DOCK8: variants seen among roughly 807,000 people sequenced by gnomAD.
DOCK8 encodes dedicator of cytokinesis 8, also known as dedicator of cytokinesis protein 8.
A neutral mutation model predicts 245.6 loss-of-function variants in DOCK8; 141 were observed. That is an observed-to-expected ratio of 0.57 (90% CI 0.50 to 0.66). The LOEUF is 0.66. Ranked by LOEUF, DOCK8 falls within the 30% of genes least tolerant of loss-of-function variation. DOCK8 has a pLI of 0.00. For missense variants in DOCK8, 2,965 were observed against 2,603.4 expected (o/e 1.14, Z -3.02); for synonymous variants, 1,168 against 970.2 (o/e 1.20, Z -3.79).
intron 24 of DOCK8, among the ~76,000 whole-genome samples, chr9:395,024 A>G (rs895398132): frequency 2.0e-5 from 3 of 152,184 alleles, no homozygotes; most frequent in African/African-American, 7.2e-5. Flanking sequence ...CAGAATCAGG[A>G]TTGGCATTGC....
At chr9:271,001 A>T (rs1460473240) in intron 1 of DOCK8, among the ~76,000 whole-genome samples, 1 of 152,216 alleles carries the variant, frequency 6.6e-6, no homozygotes, top group Non-Finnish European at 1.5e-5. Flanking sequence ...ACAGTGGGGA[A>T]CAATTTCCTC....
intron 26 of DOCK8, among the ~76,000 whole-genome samples, chr9:400,327 ACCACCACC>A (rs1208386368): frequency 6.9e-5 from 6 of 87,086 alleles, no homozygotes; most frequent in Non-Finnish European, 1.1e-4. Flanking sequence ...CACCTCCACC[ACCACCACC>A]TCCTCCACCA....
At chr9:307,385 G>GTT (rs2049894463) in intron 5 of DOCK8, among the ~76,000 whole-genome samples, 1 of 84,976 alleles carries the variant, frequency 1.2e-5, no homozygotes, top group African/African-American at 4.8e-5. Flanking sequence ...TTGAGATGGA[G>GTT]TTTTGCTCTT....
chr9:430,025 T>G (rs1456541872), intron 36 of DOCK8, among the ~76,000 whole-genome samples, 171 bp downstream of exon 36: 1 of 152,252 alleles, frequency 6.6e-6, no homozygotes, highest in East Asian at 1.9e-4. Flanking sequence ...TTAATTTGCA[T>G]CTAAAAGTGA....
intron 1 of DOCK8, among the ~76,000 whole-genome samples, chr9:235,583 A>C (rs2131389824): frequency 6.6e-6 from 1 of 152,304 alleles, no homozygotes; most frequent in South Asian, 2.1e-4. Flanking sequence ...TTACCTAATC[A>C]AACAACTAAC....
At chr9:363,623 G>A (rs1179439596) in intron 14 of DOCK8, among the ~76,000 whole-genome samples, 1 of 152,128 alleles carries the variant, frequency 6.6e-6, no homozygotes, top group Admixed American at 6.6e-5. Flanking sequence ...AGAAATTCCA[G>A]GCAAACTCAT....
intron 4 of DOCK8, among the ~76,000 whole-genome samples, chr9:297,555 G>A (rs1366928094): frequency 1.3e-5 from 2 of 152,170 alleles, no homozygotes; most frequent in African/African-American, 2.4e-5. Context: ...AGGTGCAACA[G>A]GAACTTGGCT....
rs1285706792 is a variant in DOCK8 at position 286,451 on chromosome 9, G to C, written c.157-10G>C. ...TGAGAACCTCCTTTTCCTTTTCCCT[G>C]CCCCTCCAGCCTCAGTTTTATGACC... On this transcript the variant is annotated splice_polypyrimidine_tract_variant and intron_variant, in intron 2 of 47. Transcript: ENST00000432829. The C allele has an allele frequency of 2.5e-6, 4 of 1,613,216 alleles. No individual in the cohort carries two copies. The highest frequency in any genetic ancestry group is 3.4e-6 in the Non-Finnish European group (4 of 1,179,686).
intron 4 of DOCK8, among the ~76,000 whole-genome samples, chr9:302,084 G>A (rs80321037): frequency 1.1e-4 from 17 of 152,054 alleles, no homozygotes; most frequent in Non-Finnish European, 2.1e-4. Context: ...GCATCACACT[G>A]TGTGACTTCA....
Position 418,109 on chromosome 9 carries a change from G to C in DOCK8, c.3742G>C (p.Glu1248Gln). 6.2e-7 allele frequency: 1 copy of C among 1,614,224 alleles called. No individual in the cohort carries two copies. The highest frequency in any genetic ancestry group is 8.5e-7 in the Non-Finnish European group (1 of 1,180,042). ...ATACCGCACCAGTGGCTCGGATGAA[G>C]AACAAGAAGGAGCCGGTGCCATTAA... ...RRYRTSGSDE[E>Q]QEGAGAINQN... Residue 1248 changes from glutamate to glutamine, a missense_variant, in exon 30 of 48, where the codon GAA becomes CAA. Glu to Gln is a conservative substitution (Grantham distance 29). Coordinates refer to ENST00000432829, the MANE Select transcript of DOCK8 (RefSeq NM_203447.4).
At chr9:317,769 A>G (rs1250408872) in intron 7 of DOCK8, among the ~76,000 whole-genome samples, 1 of 152,174 alleles carries the variant, frequency 6.6e-6, no homozygotes, top group East Asian at 1.9e-4. Context: ...ATTTTTGTCA[A>G]CTGTCTTTTC....
chr9:441,828 C>T (rs532816187), intron 41 of DOCK8, 47 bp from the exon 42 acceptor site: 22 of 1,594,728 alleles, frequency 1.4e-5, no homozygotes, highest in Non-Finnish European at 1.8e-5. Context: ...TCAGTGGCTC[C>T]TCAGGATGAC....
At chr9:355,127 G>T (rs541389514) in intron 14 of DOCK8, among the ~76,000 whole-genome samples, 2 of 151,740 alleles carry the variant, frequency 1.3e-5, no homozygotes, top group Non-Finnish European at 2.9e-5. Context: ...TAATTTTGTG[G>T]ATGCTGAGGA....
At chr9:211,890 C>T (rs183676119), upstream of DOCK8, among the ~76,000 whole-genome samples, 21 of 152,076 alleles carry the variant, frequency 1.4e-4, no homozygotes, top group African/African-American at 4.8e-4. Flanking sequence ...GTGCCACCAC[C>T]GACCCCCCAA....
intron 2 of DOCK8, among the ~76,000 whole-genome samples, chr9:280,318 G>A (rs149194599): frequency 0.013 from 1,920 of 152,272 alleles, 36 homozygotes; most frequent in African/African-American, 0.043. Flanking sequence ...GGAAGTGACG[G>A]TTTCTTTAGC....
At chr9:277,472 A>AGGGG (rs1563865251) in intron 2 of DOCK8, among the ~76,000 whole-genome samples, 7 of 124,914 alleles carry the variant, frequency 5.6e-5, no homozygotes, top group African/African-American at 2.5e-4. Flanking sequence ...AAGAGAAGAG[A>AGGGG]AGAGAAGAGA....
chr9:236,118 C>T (rs2047241475), intron 1 of DOCK8, among the ~76,000 whole-genome samples: 1 of 152,154 alleles, frequency 6.6e-6, no homozygotes, highest in South Asian at 2.1e-4. Context: ...GTCATGGCCC[C>T]CAAGGTACCA....
chr9:328,733 T>C (rs2050870892), intron 9 of DOCK8, among the ~76,000 whole-genome samples: 1 of 152,044 alleles, frequency 6.6e-6, no homozygotes, highest in Admixed American at 6.6e-5. Context: ...CCTTTTTTTT[T>C]TTTCTTCTTA....
At chr9:371,171 T>G (rs973929925) in intron 16 of DOCK8, among the ~76,000 whole-genome samples, 1 of 121,500 alleles carries the variant, frequency 8.2e-6, no homozygotes, top group Non-Finnish European at 1.6e-5. Flanking sequence ...TGTGGGGGAG[T>G]TGTTTTTTGT....
Sources: gnomAD v4.1 joint callset for allele counts (sites outside exome capture counted in the v4.1 genomes callset) on GRCh38, gnomAD v4.1.1 for gene constraint, MANE v1.5 for transcripts, NCBI Gene and HGNC (gene_info 2026-07-23, HGNC 2026-07-21) for gene names.